ARHGEF37: variants seen among roughly 807,000 people sequenced by gnomAD.
The protein encoded by ARHGEF37 is Rho guanine nucleotide exchange factor (GEF) 37.
ARHGEF37 carries 55 observed loss-of-function variants against 71.1 expected under a neutral mutation model. That is an observed-to-expected ratio of 0.77 (90% CI 0.62 to 0.97). The LOEUF (loss-of-function observed/expected upper bound fraction) is 0.97. ARHGEF37 is among the 50% of genes least tolerant of loss of function. The probability of loss-of-function intolerance (pLI) is 0.00; values close to 1 mark genes in which losing one functional copy is unlikely to be tolerated. For synonymous variants in ARHGEF37, 327 were observed against 350.6 expected (o/e 0.93, Z 0.75); for missense variants, 765 against 836.8 (o/e 0.91, Z 1.06).
chr5:149,568,512 T>A lies in ARHGEF37; in HGVS notation c.-12+16389T>A, dbSNP rs191625916. ...TGAGCTTTAACAAATGCATGTACCCTTGTATCCCACACCCCTATCAAGATA... is the reference window on the plus strand; with the variant it reads ...TGAGCTTTAACAAATGCATGTACCCATGTATCCCACACCCCTATCAAGATA... On this transcript the variant is annotated intron_variant, in intron 1 of 2. Coordinates refer to the ARHGEF37 transcript ENST00000505810. Among the ~76,000 whole-genome samples the A allele has an allele frequency of 1.8e-4, 27 of 152,210 alleles. No individual in the cohort carries two copies. The East Asian group carries it at 5.0e-3, about 28-fold the overall frequency.
Position 149,632,079 on chromosome 5 carries a change from G to A in ARHGEF37, c.1916G>A (p.Gly639Glu). 1 of 1,614,284 alleles carries A rather than the reference G, an allele frequency of 6.2e-7. No individual in the cohort carries two copies. The highest frequency in any genetic ancestry group is 8.5e-7 in the Non-Finnish European group (1 of 1,180,050). The change falls in exon 13 of 13, where the codon GGG becomes GAG. Residue 639 changes from glycine (G) to glutamate (E), a missense_variant. Around this residue, in one of 5 missense-constraint regions of ARHGEF37, gnomAD observed 390 missense variants for 407.4 expected, o/e 0.96. Coordinates refer to ENST00000333677, the MANE Select transcript of ARHGEF37 (RefSeq NM_001001669.3). ...VTILEAQDKK[G>E]NPEWSLVEVN... is the part of the protein sequence containing the mutation. ...ATCCTGGAGGCCCAGGACAAGAAGG[G>A]GAACCCTGAGTGGAGCCTGGTGGAA...
chr5:149,605,057 C>A (rs1024981209), intron 3 of ARHGEF37, among the ~76,000 whole-genome samples: 20 of 151,236 alleles, frequency 1.3e-4, no homozygotes, highest in Non-Finnish European at 2.2e-4. Context: ...TGAAACCCCA[C>A]CTCTACTAAA....
intron 1 of ARHGEF37, among the ~76,000 whole-genome samples, chr5:149,562,852 C>A (rs1249437970): frequency 1.3e-5 from 2 of 152,196 alleles, no homozygotes; most frequent in Non-Finnish European, 2.9e-5. Context: ...AGCTTTCTGC[C>A]TGTTCTAGAT....
At position 149,618,185 on chromosome 5, in the gene ARHGEF37, AC is replaced by A. The variant is rs760061193; in HGVS notation, c.669del (p.Tyr223Ter). On this transcript the variant is annotated frameshift_variant, in exon 6 of 13. Coordinates refer to ENST00000333677, the MANE Select transcript of ARHGEF37 (RefSeq NM_001001669.3). LOFTEE classifies it high-confidence loss of function. ...YKMRKEVASK[Y>X]TKVEQLTLRE... ...TTCTCTGTCGTTGCAGCCTCCAAGTACACCAAGGTAGAGCAGCTGACCCTCC... is the reference window on the plus strand; with the variant it reads ...TTCTCTGTCGTTGCAGCCTCCAAGTAACCAAGGTAGAGCAGCTGACCCTCC... 1 of 1,614,124 alleles carries A rather than the reference AC, an allele frequency of 6.2e-7. No individual in the cohort carries two copies. Among genetic ancestry groups the A allele is most frequent in the Admixed American group, 1.7e-5 (1 of 60,018 alleles).
At chr5:149,624,302 G>C (rs4320246) in intron 10 of ARHGEF37, among the ~76,000 whole-genome samples, 162 bp downstream of exon 10, 2 of 152,040 alleles carry the variant, frequency 1.3e-5, no homozygotes, top group Admixed American at 6.6e-5. Flanking sequence ...GAGCTGGGGT[G>C]GGGGGACACA....
intron 4 of ARHGEF37, among the ~76,000 whole-genome samples, chr5:149,613,626 T>G (rs929264986): frequency 6.6e-6 from 1 of 152,200 alleles, no homozygotes; most frequent in African/African-American, 2.4e-5. Flanking sequence ...ATTACAGGCG[T>G]GAGCCACGGC....
At chr5:149,581,482 C>T (rs1269417577), upstream of ARHGEF37, 5 of 152,096 alleles carry the variant, frequency 3.3e-5, no homozygotes, top group African/African-American at 1.2e-4. Context: ...TAGCCGCGCC[C>T]GCCAGCGCCC....
chr5:149,562,305 C>A (rs1762842780), intron 1 of ARHGEF37, among the ~76,000 whole-genome samples: 2 of 152,148 alleles, frequency 1.3e-5, no homozygotes, highest in Admixed American at 1.3e-4. Flanking sequence ...CTGTATAGTT[C>A]ATAGAGTATT....
intron 10 of ARHGEF37, 51 bp downstream of exon 10, chr5:149,624,191 T>C: frequency 6.4e-7 from 1 of 1,568,298 alleles, no homozygotes; most frequent in Non-Finnish European, 8.7e-7. Context: ...CACTGGCCAG[T>C]AGGGTGAGGC....
intron 11 of ARHGEF37, 91 bp from the exon 12 acceptor site, chr5:149,628,718 G>C: frequency 1.4e-6 from 2 of 1,459,170 alleles, no homozygotes; most frequent in Non-Finnish European, 1.8e-6. Context: ...GAGAAGCTGT[G>C]TTGGAAACAT....
chr5:149,611,284 G>T (rs1326656887), intron 4 of ARHGEF37, among the ~76,000 whole-genome samples: 2 of 152,204 alleles, frequency 1.3e-5, no homozygotes, highest in African/African-American at 4.8e-5. Flanking sequence ...TGTAGAGATT[G>T]GGGGAGGAAT....
At chr5:149,558,361 C>T (rs1025392197) in intron 1 of ARHGEF37, among the ~76,000 whole-genome samples, 1 of 152,124 alleles carries the variant, frequency 6.6e-6, no homozygotes, top group African/African-American at 2.4e-5. Context: ...CAAAAATTAG[C>T]TGGGCGTGGT....
upstream of ARHGEF37, among the ~76,000 whole-genome samples, chr5:149,578,301 T>C (rs1449370052): frequency 1.3e-5 from 2 of 152,242 alleles, no homozygotes; most frequent in African/African-American, 4.8e-5. Context: ...ACTCCAGTGC[T>C]GCTTACTTTA....
In ARHGEF37 at chr5:149,620,475, C is replaced by G; in HGVS notation, c.1005+11C>G. 1 of 1,573,478 alleles carries G rather than the reference C, an allele frequency of 6.4e-7. No individual in the cohort carries two copies. Among genetic ancestry groups the G allele is most frequent in the South Asian group, 1.1e-5 (1 of 88,956 alleles). On this transcript the variant is annotated intron_variant, in intron 8 of 12. Coordinates refer to ENST00000333677, the MANE Select transcript of ARHGEF37 (RefSeq NM_001001669.3). Reference sequence around the variant, plus strand: ...GCCTTCCTGAAATTTGTGAGTGGAACCTTTCCTTTCTCCTTTCTTTGTTAG... The same window carrying G: ...GCCTTCCTGAAATTTGTGAGTGGAAGCTTTCCTTTCTCCTTTCTTTGTTAG...
At chr5:149,592,520 CTGTT>C (rs1190801723) in intron 1 of ARHGEF37, among the ~76,000 whole-genome samples, 3 of 152,224 alleles carry the variant, frequency 2.0e-5, no homozygotes, top group African/African-American at 7.2e-5. Flanking sequence ...GGATGTACCA[CTGTT>C]TGTTTAACCA....
At chr5:149,577,780 T>C (rs1473514390), upstream of ARHGEF37, among the ~76,000 whole-genome samples, 1 of 152,242 alleles carries the variant, frequency 6.6e-6, no homozygotes, top group African/African-American at 2.4e-5. Context: ...ATGTTACCAT[T>C]ATACATTTGG....
intron 2 of ARHGEF37, among the ~76,000 whole-genome samples, chr5:149,599,741 C>T (rs1253247120): frequency 6.6e-6 from 1 of 152,152 alleles, no homozygotes; most frequent in Non-Finnish European, 1.5e-5. Context: ...CAAGCATCCC[C>T]TAGCATTTGA....
chr5:149,595,915 G>A (rs1763531556), intron 1 of ARHGEF37, among the ~76,000 whole-genome samples: 1 of 150,954 alleles, frequency 6.6e-6, no homozygotes, highest in South Asian at 2.1e-4. Flanking sequence ...AGGATGAACT[G>A]TCTTTGTCAT....
chr5:149,624,289 T>A, intron 10 of ARHGEF37, 149 bp downstream of exon 10: 1 of 1,124,570 alleles, frequency 8.9e-7, no homozygotes, highest in Non-Finnish European at 1.2e-6. Context: ...CTCCTTTCTA[T>A]TTGAGCTGGG....
Sources: allele counts gnomAD v4.1 joint callset (sites outside exome capture counted in the v4.1 genomes callset), GRCh38; gene constraint gnomAD v4.1.1; regional missense constraint gnomAD v4.1.1; transcripts MANE v1.5; gene names NCBI Gene and HGNC (gene_info 2026-07-23, HGNC 2026-07-21).